The following LETM2 variants were observed in gnomAD, a reference collection of about 807,000 sequenced individuals.
The protein encoded by LETM2 is LETM1 domain-containing protein LETM2, mitochondrial.
In LETM2, 58 loss-of-function variants were observed where a neutral mutation model predicts 59.6. That is an observed-to-expected ratio of 0.97 (90% confidence interval 0.79 to 1.21). The LOEUF (loss-of-function observed/expected upper bound fraction) is 1.21. LETM2 is among the 50% of genes most tolerant of loss of function. LETM2 has a pLI of 0.00. For missense variants in LETM2, 572 were observed against 575.7 expected, an observed-to-expected ratio of 0.99 and a Z score of 0.07; for synonymous variants, 199 against 214.1, an observed-to-expected ratio of 0.93 and a Z score of 0.62.
At chr8:38,396,164 A>T (rs1425393836) in intron 4 of LETM2, among the ~76,000 whole-genome samples, 3 of 149,520 alleles carry the variant, frequency 2.0e-5, no homozygotes, top group Non-Finnish European at 3.0e-5. Flanking sequence ...TTTTTTATTT[A>T]TTTATTTTTT....
intron 4 of LETM2, among the ~76,000 whole-genome samples, chr8:38,397,744 C>G (rs1812806300): frequency 6.6e-6 from 1 of 152,072 alleles, no homozygotes. Flanking sequence ...ATTTTGCTGG[C>G]AGGAGGGGCA....
chr8:38,396,012 A>AT (rs1051247257), intron 4 of LETM2, among the ~76,000 whole-genome samples: 3 of 151,968 alleles, frequency 2.0e-5, no homozygotes, highest in African/African-American at 7.2e-5. Context: ...CAGCTTATCA[A>AT]TTTTTTCTTT....
Position 38,394,143 on chromosome 8 carries a change from G to C in LETM2, c.547G>C (p.Val183Leu). ...VDFFRLVPFM[V>L]FLIVPFMEFL... ...TTTCTTCCGCCTGGTTCCATTTATG[G>C]TGTTCTTAATTGTACCCTTCATGGA... Residue 183 changes from valine to leucine, a missense_variant, in exon 4 of 11, where the codon GTG (valine) becomes CTG (leucine). Coordinates refer to ENST00000379957, the MANE Select transcript of LETM2 (RefSeq NM_001286819.2). The C allele has an allele frequency of 6.6e-7, 1 of 1,507,970 alleles. No homozygotes were observed. Among genetic ancestry groups the C allele is most frequent in the South Asian group, 1.3e-5 (1 of 77,844 alleles). The allele number at this position is 1,507,970 out of a possible 1,614,324, so 93.4% of individuals were successfully genotyped here.
chr8:38,396,255 C>T (rs1304198783), intron 4 of LETM2, among the ~76,000 whole-genome samples: 1 of 151,960 alleles, frequency 6.6e-6, no homozygotes, highest in Non-Finnish European at 1.5e-5. Context: ...CCTCCACCTC[C>T]CAGGTTCAAG....
chr8:38,400,142 T>C (rs1813064929), intron 4 of LETM2, 130 bp from the exon 5 acceptor site: 1 of 641,806 alleles, frequency 1.6e-6, no homozygotes. Flanking sequence ...CATTCATCTA[T>C]GCCTGAGAAT....
intron 2 of LETM2, among the ~76,000 whole-genome samples, chr8:38,389,787 T>G (rs1485946952): frequency 6.6e-6 from 1 of 150,688 alleles, no homozygotes; most frequent in Non-Finnish European, 1.5e-5. Flanking sequence ...GACCACAAGG[T>G]CAAGAGATCG....
intron 8 of LETM2, chr8:38,406,662 A>G (rs1374657504): frequency 3.2e-6 from 1 of 313,180 alleles, no homozygotes; most frequent in African/African-American, 2.1e-5. Context: ...GGCCAACAGC[A>G]GGACCAGTGC....
intron 4 of LETM2, chr8:38,397,262 C>T (rs1306613887): frequency 1.8e-5 from 7 of 398,894 alleles, no homozygotes; most frequent in Admixed American, 1.5e-4. Context: ...CTGCAACCTC[C>T]GCCTCCCGGA....
intron 2 of LETM2, among the ~76,000 whole-genome samples, chr8:38,390,970 C>T (rs961512861): frequency 1.3e-5 from 2 of 151,734 alleles, no homozygotes; most frequent in African/African-American, 2.4e-5. Flanking sequence ...CATGAGCCAG[C>T]GTGCCTGGCG....
At chr8:38,384,491 A>G (rs1178265679), upstream of LETM2, among the ~76,000 whole-genome samples, 1 of 152,240 alleles carries the variant, frequency 6.6e-6, no homozygotes, top group Non-Finnish European at 1.5e-5. Context: ...TTCGCCATAG[A>G]AAATGAACAA....
At chr8:38,383,794 GT>G (rs1220129356), upstream of LETM2, among the ~76,000 whole-genome samples, 1 of 151,968 alleles carries the variant, frequency 6.6e-6, no homozygotes, top group African/African-American at 2.4e-5. Context: ...GCCGGGCGTG[GT>G]GGGGGGCGCC....
chr8:38,400,416 A>G lies in LETM2; in HGVS notation c.783+7A>G. 1.3e-6 allele frequency: 2 copies of G among 1,562,804 alleles called. No individual in the cohort carries two copies. The highest frequency in any genetic ancestry group is 1.7e-6 in the Non-Finnish European group (2 of 1,157,782). On this transcript the variant is annotated splice_region_variant and intron_variant, in intron 5 of 10. Transcript: ENST00000379957. ...CTCATCCTACGTGAAGCAGGTGTCC[A>G]TCTTTTATGTAATGCCGAACAACTT... is the stretch of plus-strand genomic sequence containing the variant.
At chr8:38,382,642 T>A (rs768387601), upstream of LETM2, 1 of 152,302 alleles carries the variant, frequency 6.6e-6, no homozygotes, top group Non-Finnish European at 1.5e-5. This position sits in a 1 kb window ranked among gnomAD's most constrained non-coding sequence, Gnocchi z 4.2. Context: ...ACCAGCGCCA[T>A]ACGGCGCTCC....
At position 38,402,532 on chromosome 8, in the gene LETM2, C is replaced by T. The variant is rs145121919; in HGVS notation, c.992C>T (p.Ala331Val). Residue 331 changes from alanine (A) to valine (V), a missense_variant, in exon 7 of 11, where the codon GCC (alanine) becomes GTC (valine). Coordinates refer to ENST00000379957, the MANE Select transcript of LETM2 (RefSeq NM_001286819.2). ...KSIKADDEII[A>V]KEGVTALSVS... ...CCCTTACATTTCTTTCAGATAATTG[C>T]CAAGGAAGGGGTGACAGCATTGAGT... is the stretch of plus-strand genomic sequence containing the variant. 3.8e-3 allele frequency: 6,145 copies of T among 1,613,710 alleles called. 23 individuals are homozygous for T. Among genetic ancestry groups the T allele is most frequent in the Admixed American group, 4.6e-3 (277 of 59,994 alleles).
chr8:38,392,643 A>T lies in LETM2; in HGVS notation c.149A>T (p.Asn50Ile). 1 of 1,614,104 alleles carries T rather than the reference A, an allele frequency of 6.2e-7. No individual in the cohort carries two copies. Among genetic ancestry groups the T allele is most frequent in the Non-Finnish European group, 8.5e-7 (1 of 1,179,958 alleles). The change falls in exon 3 of 11, where the codon AAC becomes ATC. Residue 50 changes from asparagine (N) to isoleucine (I), a missense_variant. Coordinates refer to ENST00000379957, the MANE Select transcript of LETM2 (RefSeq NM_001286819.2). ...DSHLNKTCMK[N>I]YESKKYSDPS... The stretch of plus-strand genomic sequence containing the variant: ...CATTTAAATAAGACATGTATGAAGA[A>T]CTATGAGAGCAAGAAGTACTCGGAT...
At chr8:38,396,156 T>A (rs75463093) in intron 4 of LETM2, among the ~76,000 whole-genome samples, 7,215 of 151,774 alleles carry the variant, frequency 0.048, 200 homozygotes, top group South Asian at 0.091. Flanking sequence ...CATTTTATTT[T>A]TTTATTTATT....
At chr8:38,401,392 C>A (rs1813213293) in intron 6 of LETM2, among the ~76,000 whole-genome samples, 1 of 152,214 alleles carries the variant, frequency 6.6e-6, no homozygotes, top group Admixed American at 6.5e-5. Context: ...CCGCCTCAGC[C>A]TCCCAAAGTG....
intron 2 of LETM2, among the ~76,000 whole-genome samples, chr8:38,389,280 A>C (rs1274714065): frequency 6.6e-6 from 1 of 151,886 alleles, no homozygotes; most frequent in Non-Finnish European, 1.5e-5. Context: ...GCAATGGCAC[A>C]ATCTTGGCTC....
intron 5 of LETM2, chr8:38,400,636 G>A (rs10958670): frequency 0.21 from 138,048 of 653,724 alleles, 15,271 homozygotes; most frequent in East Asian, 0.31. Context: ...ACTTCTTGGA[G>A]AGAACAGTAG....
Sources: gnomAD v4.1 joint callset for allele counts (sites outside exome capture counted in the v4.1 genomes callset) on GRCh38, gnomAD v4.1.1 for gene constraint, Gnocchi (gnomAD v3.1) non-coding constraint, MANE v1.5 for transcripts, NCBI Gene and HGNC (gene_info 2026-07-23, HGNC 2026-07-21) for gene names.